ZNF331: variants seen among roughly 807,000 people sequenced by gnomAD.
The protein encoded by ZNF331 is zinc finger protein 331, also known as C2H2-like zinc finger protein rearranged in thyroid adenomas.
In ZNF331, 2 loss-of-function variants were observed where a neutral mutation model predicts 7.0. The observed-to-expected ratio is 0.29, with a 90% CI of 0.12 to 0.90. The LOEUF is 0.90. ZNF331 is among the 40% of genes least tolerant of loss of function. The probability of loss-of-function intolerance (pLI) is 0.58; values close to 1 mark genes in which losing one functional copy is unlikely to be tolerated. For synonymous variants in ZNF331, 196 were observed against 205.4 expected (o/e 0.95, Z 0.39); for missense variants, 432 against 587.7 (o/e 0.74, Z 2.74).
At chr19:53,546,162 T>TATATATATATATATATATATATATATA (rs1568486289) in intron 2 of ZNF331, among the ~76,000 whole-genome samples, 1 of 97,888 alleles carries the variant, frequency 1.0e-5, no homozygotes, top group African/African-American at 3.1e-5. Flanking sequence ...AAAAAAAAAA[T>TATATATATATATATATATATATATATA]TATTATTTAG....
At chr19:53,528,713 T>G (rs1297418024) in intron 2 of ZNF331, among the ~76,000 whole-genome samples, 1 of 152,222 alleles carries the variant, frequency 6.6e-6, no homozygotes, top group African/African-American at 2.4e-5. Context: ...TGGATCAGTA[T>G]CACTAGTAAA....
At chr19:53,522,256 G>GTTTTT (rs560872830) in intron 1 of ZNF331, among the ~76,000 whole-genome samples, 9,529 of 139,380 alleles carry the variant, frequency 0.068, 454 homozygotes, top group Non-Finnish European at 0.1. Flanking sequence ...TTCTTTCTTT[G>GTTTTT]TTTTTTTTTT....
chr19:53,577,154 G>A lies in ZNF331; in HGVS notation c.594G>A (p.Trp198Ter). 1 of 1,606,970 alleles carries A rather than the reference G, an allele frequency of 6.2e-7. No homozygotes were observed. Among genetic ancestry groups the A allele is most frequent in the Non-Finnish European group, 8.5e-7 (1 of 1,177,614 alleles). ...AAGACTGTGGGAAGGCTTTTCGATG[G>A]GGCTCAAGCCTCGTTATTCATAAGA... is the stretch of plus-strand genomic sequence containing the variant. ...ECKDCGKAFR[W>*]GSSLVIHKRI... Residue 198 changes from tryptophan to a stop codon, truncating the protein, a stop_gained, in exon 6 of 6, where the codon TGG becomes TGA. Coordinates refer to ENST00000449416, the MANE Select transcript of ZNF331 (RefSeq NM_001079906.2). LOFTEE classifies it low-confidence loss of function (END_TRUNC).
rs2087276447 is a variant in ZNF331, at chr19:53,573,174, A to T, written c.136+1444A>T. Among the ~76,000 whole-genome samples, 1 of 151,780 alleles carries T rather than the reference A, an allele frequency of 6.6e-6. No homozygotes were observed. The highest frequency in any genetic ancestry group is 6.6e-5 in the Admixed American group (1 of 15,220). ...GCAGAGGTTGCAGTGAGCCAAGATC[A>T]CGCTACTGTGCTGCAGCCTGGGCAA... is the stretch of plus-strand genomic sequence containing the variant. On this transcript the variant is annotated intron_variant, in intron 5 of 5. Coordinates refer to ENST00000449416, the MANE Select transcript of ZNF331 (RefSeq NM_001079906.2). This position sits in a 1 kb window ranked among gnomAD's most constrained non-coding sequence, Gnocchi z 4.2.
At chr19:53,566,942 C>T (rs376236275) in intron 3 of ZNF331, among the ~76,000 whole-genome samples, 1 of 151,870 alleles carries the variant, frequency 6.6e-6, no homozygotes, top group African/African-American at 2.4e-5. Flanking sequence ...TCCTCCTCTC[C>T]CTCTCTCTCC....
chr19:53,524,200 T>C (rs959018742), intron 2 of ZNF331, among the ~76,000 whole-genome samples: 1 of 152,254 alleles, frequency 6.6e-6, no homozygotes, highest in Non-Finnish European at 1.5e-5. Context: ...TCTTTGCTAT[T>C]GTGAATAGTG....
chr19:53,526,884 T>C (rs775258087), intron 2 of ZNF331, among the ~76,000 whole-genome samples: 1 of 151,588 alleles, frequency 6.6e-6, no homozygotes, highest in Non-Finnish European at 1.5e-5. Context: ...CAGGCCTGCA[T>C]TGATTGCATT....
intron 2 of ZNF331, among the ~76,000 whole-genome samples, chr19:53,546,858 A>G (rs1319104048): frequency 2.0e-5 from 3 of 152,198 alleles, no homozygotes; most frequent in African/African-American, 7.2e-5. Context: ...TTGGGCGGAC[A>G]GCTTCTGTTT....
chr19:53,503,562 T>A, the ZNF331 span: 4 of 743,692 alleles, frequency 5.4e-6, no homozygotes, highest in Non-Finnish European at 9.9e-6. Flanking sequence ...ACCGTATTCC[T>A]CCTCCCTAGA....
At chr19:53,552,238 A>G (rs1033530717) in intron 2 of ZNF331, among the ~76,000 whole-genome samples, 1 of 152,138 alleles carries the variant, frequency 6.6e-6, no homozygotes, top group African/African-American at 2.4e-5. Flanking sequence ...TTTGATGCAG[A>G]ATCATCTCTC....
intron 3 of ZNF331, among the ~76,000 whole-genome samples, chr19:53,561,032 A>T (rs2089851083): frequency 6.6e-6 from 1 of 152,046 alleles, no homozygotes; most frequent in Non-Finnish European, 1.5e-5. Context: ...GTAATGTGCA[A>T]CTGTGGTCCC....
At chr19:53,527,491 G>T (rs530361351) in intron 2 of ZNF331, among the ~76,000 whole-genome samples, 1 of 152,158 alleles carries the variant, frequency 6.6e-6, no homozygotes, top group South Asian at 2.1e-4. Flanking sequence ...TAATCACAGG[G>T]TATTAGAAGT....
chr19:53,563,207 C>G (rs2089986207), intron 3 of ZNF331, among the ~76,000 whole-genome samples: 2 of 151,164 alleles, frequency 1.3e-5, no homozygotes. Context: ...CCTGCCTCAG[C>G]CTCCCAAGAA....
Position 53,558,594 on chromosome 19 carries a change from G to A in ZNF331, c.-74+2686G>A, listed in dbSNP as rs2089581507. ...TTCAGATTCTTCTTGGCCTCTCAGT[G>A]CAGCATTCCTTCCTACAGGTACAGG... On this transcript the variant is annotated intron_variant, in intron 3 of 5. Coordinates refer to ENST00000449416, the MANE Select transcript of ZNF331 (RefSeq NM_001079906.2). This position sits in a 1 kb window ranked among gnomAD's most constrained non-coding sequence, Gnocchi z 4.5. Among the ~76,000 whole-genome samples the A allele has an allele frequency of 6.6e-6, 1 of 152,068 alleles. No homozygotes were observed. Among genetic ancestry groups the A allele is most frequent in the African/African-American group, 2.4e-5 (1 of 41,368 alleles).
intron 2 of ZNF331, among the ~76,000 whole-genome samples, chr19:53,552,915 T>C (rs1047616243): frequency 6.6e-6 from 1 of 152,174 alleles, no homozygotes; most frequent in Non-Finnish European, 1.5e-5. Flanking sequence ...ATCCCAATTT[T>C]ACTAGTGAGG....
chr19:53,554,344 C>T (rs558284454), intron 2 of ZNF331, among the ~76,000 whole-genome samples: 1 of 152,162 alleles, frequency 6.6e-6, no homozygotes, highest in East Asian at 1.9e-4. Flanking sequence ...CACACGCATG[C>T]GTTGGGGGTC....
intron 2 of ZNF331, among the ~76,000 whole-genome samples, chr19:53,549,313 C>T (rs777879556): frequency 3.3e-5 from 5 of 152,052 alleles, no homozygotes; most frequent in Non-Finnish European, 7.4e-5. Flanking sequence ...GTATTATAAC[C>T]GTAATAGGTC....
the ZNF331 span, among the ~76,000 whole-genome samples, chr19:53,514,365 A>T: frequency 6.6e-6 from 1 of 150,480 alleles, no homozygotes; most frequent in South Asian, 2.1e-4. Context: ...CACCCGGCAA[A>T]TTTTTTTGTA....
At chr19:53,536,692 G>A (rs996454302), upstream of ZNF331, among the ~76,000 whole-genome samples, 5 of 152,170 alleles carry the variant, frequency 3.3e-5, no homozygotes, top group Admixed American at 3.3e-4. Context: ...CTGAGGTCGG[G>A]AGTTCGAGTC....
Sources: gnomAD v4.1 joint callset for allele counts (sites outside exome capture counted in the v4.1 genomes callset) on GRCh38, gnomAD v4.1.1 for gene constraint, Gnocchi (gnomAD v3.1) non-coding constraint, MANE v1.5 for transcripts, NCBI Gene and HGNC (gene_info 2026-07-23, HGNC 2026-07-21) for gene names.